ABHD12B: variants seen among roughly 807,000 people sequenced by gnomAD.
ABHD12B encodes protein ABHD12B.
Under a neutral mutation model 50.4 loss-of-function variants are expected in ABHD12B, and 42 were observed. The ratio of observed to expected loss-of-function variants is 0.83; its 90% CI spans 0.65 to 1.08. The LOEUF (loss-of-function observed/expected upper bound fraction) is 1.08. ABHD12B is among the 50% of genes least tolerant of loss of function. The probability of loss-of-function intolerance (pLI) is 0.00; values close to 1 mark genes in which losing one functional copy is unlikely to be tolerated. For missense variants in ABHD12B, 479 were observed against 447.7 expected (o/e 1.07, Z -0.63); for synonymous variants, 167 against 160.3 (o/e 1.04, Z -0.32).
intron 5 of ABHD12B, among the ~76,000 whole-genome samples, chr14:50,882,974 A>AAAAAG (rs2049979725): frequency 3.4e-4 from 1 of 2,938 alleles, no homozygotes; most frequent in African/African-American, 1.5e-3. Context: ...ACCCTGACTC[A>AAAAAG]AAAAAAAAAA....
At chr14:50,895,628 C>A (rs565066085) in intron 9 of ABHD12B, 2 of 151,684 alleles carry the variant, frequency 1.3e-5, no homozygotes, top group Non-Finnish European at 1.5e-5. Context: ...CAGATCTTCT[C>A]GGCTTAGCGG....
chr14:50,888,731 T>G, intron 8 of ABHD12B, 93 bp from the exon 9 acceptor site: 2 of 1,053,558 alleles, frequency 1.9e-6, no homozygotes. Flanking sequence ...TGCACGTAGC[T>G]CATGTACAAG....
intron 9 of ABHD12B, chr14:50,891,700 TAA>T: frequency 1.3e-5 from 2 of 152,338 alleles, no homozygotes; most frequent in Admixed American, 1.3e-4. Context: ...CTTTTACATG[TAA>T]AGTTATAATC....
At position 50,872,215 on chromosome 14, in the gene ABHD12B, C is replaced by T. The variant is rs1228929842; in HGVS notation, c.41C>T (p.Pro14Leu). Residue 14 changes from proline to leucine, a missense_variant, in exon 1 of 13, where the codon CCG (proline) becomes CTG (leucine). Pro to Leu is a moderately conservative substitution (Grantham distance 98, BLOSUM62 -3). Coordinates refer to ENST00000337334, the MANE Select transcript of ABHD12B (RefSeq NM_001206673.2). The stretch of plus-strand genomic sequence containing the variant: ...TGCCAGGCGGCCGCATCGCCCGAGC[C>T]GCCCGGGCCCCCAGCCCGTAGCTGC... Reference protein sequence around the residue: ...QDCQAAASPEPPGPPARSCVA... With the variant: ...QDCQAAASPELPGPPARSCVA... 7.2e-7 allele frequency: 1 copy of T among 1,380,380 alleles called. No individual in the cohort carries two copies. The highest frequency in any genetic ancestry group is 1.6e-5 in the South Asian group (1 of 62,862). 85.5% of individuals were successfully genotyped at this position (1,380,380 alleles called of 1,614,324 possible). A position where few individuals can be genotyped will look rare whatever the true frequency, so the allele number is the denominator to read the frequency against.
At position 50,872,114 on chromosome 14, in the gene ABHD12B, G is replaced by C. The variant is rs1566480452; in HGVS notation, c.-61G>C. 1.7e-6 allele frequency: 2 copies of C among 1,165,836 alleles called. No individual in the cohort carries two copies. Among genetic ancestry groups the C allele is most frequent in the East Asian group, 7.1e-5 (2 of 28,160 alleles). 72.2% of individuals were successfully genotyped at this position (1,165,836 alleles called of 1,614,324 possible). On this transcript the variant is annotated 5_prime_UTR_variant, in exon 1 of 13. Coordinates refer to ENST00000337334, the MANE Select transcript of ABHD12B (RefSeq NM_001206673.2). ...GGTGCCGCCGGGGCGGGAAGGTCGC[G>C]GGCGGCTGCTCCGGACTGCAGCTCC...
rs1442879429 is a variant in ABHD12B at position 50,901,810 on chromosome 14, T to G, written c.781-19T>G. On this transcript the variant is annotated intron_variant, in intron 9 of 12. Coordinates refer to ENST00000337334, the MANE Select transcript of ABHD12B (RefSeq NM_001206673.2). ...AGCTATGGGGCAAATATTAATTTTT[T>G]TTTCTTTTTTAAAAATAGATTTACC... The G allele has an allele frequency of 6.5e-7, 1 of 1,549,082 alleles. No homozygotes were observed. The highest frequency in any genetic ancestry group is 1.9e-5 in the Admixed American group (1 of 51,802).
At position 50,872,294 on chromosome 14, in the gene ABHD12B, T is replaced by C; in HGVS notation, c.104+16T>C. The C allele has an allele frequency of 7.7e-7, 1 of 1,291,712 alleles. No individual in the cohort carries two copies. Among genetic ancestry groups the C allele is most frequent in the Non-Finnish European group, 9.8e-7 (1 of 1,018,116 alleles). 80.0% of individuals were successfully genotyped at this position (1,291,712 alleles called of 1,614,324 possible). ...GCAACCTGCGGTGAGTACCGCCCGGTCCACCCCTGGCCGGGCCCCGACGGC... is the reference window on the plus strand; with the variant it reads ...GCAACCTGCGGTGAGTACCGCCCGGCCCACCCCTGGCCGGGCCCCGACGGC... On this transcript the variant is annotated intron_variant, in intron 1 of 12. Coordinates refer to ENST00000337334, the MANE Select transcript of ABHD12B (RefSeq NM_001206673.2).
chr14:50,886,541 A>AT, intron 7 of ABHD12B, 106 bp from the exon 8 acceptor site: 1 of 1,111,846 alleles, frequency 9.0e-7, no homozygotes, highest in Non-Finnish European at 1.3e-6. Flanking sequence ...GTCTATATGC[A>AT]TTTTTCTAAC....
chr14:50,895,972 C>T (rs1376039525), intron 9 of ABHD12B, among the ~76,000 whole-genome samples: 2 of 152,174 alleles, frequency 1.3e-5, no homozygotes. Context: ...GCTTCCCTGA[C>T]TATTCCTGGA....
chr14:50,884,021 A>G (rs1410434379), intron 5 of ABHD12B, among the ~76,000 whole-genome samples: 3 of 19,088 alleles, frequency 1.6e-4, no homozygotes, highest in Non-Finnish European at 5.2e-4. Context: ...ACATTCTTCC[A>G]TGTTTTCACA....
At chr14:50,898,940 C>T (rs944172671) in intron 9 of ABHD12B, among the ~76,000 whole-genome samples, 2 of 152,194 alleles carry the variant, frequency 1.3e-5, no homozygotes, top group Admixed American at 1.3e-4. Flanking sequence ...CGCCTGTAAT[C>T]CCAGCACTTT....
At chr14:50,881,704 C>T in intron 5 of ABHD12B, 78 bp downstream of exon 5, 14 of 1,578,312 alleles carry the variant, frequency 8.9e-6, no homozygotes, top group South Asian at 1.1e-5. Context: ...AGGCCCTCCG[C>T]GTGGTTGTTT....
intron 3 of ABHD12B, 107 bp downstream of exon 3, chr14:50,878,954 G>T (rs2049900437): frequency 1.3e-6 from 1 of 790,000 alleles, no homozygotes; most frequent in Non-Finnish European, 2.1e-6. Context: ...CGGTGCTCCT[G>T]GAGGTACCTG....
Position 50,881,594 on chromosome 14 carries a change from A to G in ABHD12B, c.456-2A>G, listed in dbSNP as rs200135016. 3.6e-5 allele frequency: 57 copies of G among 1,588,580 alleles called. No homozygotes were observed. In the Admixed American group the frequency reaches 6.5e-4, roughly 18 times the overall value. ...TTTTTTTTTTTTAAACTTCCTTCAC[A>G]GGGCAGCTTCGCACAGACTGAAGCT... On this transcript the variant is annotated splice_acceptor_variant, in intron 4 of 12. Transcript: ENST00000337334. LOFTEE classifies it high-confidence loss of function.
chr14:50,884,644 C>A (rs1451392923), intron 5 of ABHD12B, among the ~76,000 whole-genome samples: 1 of 151,748 alleles, frequency 6.6e-6, no homozygotes, highest in African/African-American at 2.4e-5. Flanking sequence ...AAAGTGCCTG[C>A]ACAGTAAAAT....
At chr14:50,901,802 T>A (rs1228276340) in intron 9 of ABHD12B, 27 bp from the exon 10 acceptor site, 3 of 1,494,750 alleles carry the variant, frequency 2.0e-6, no homozygotes, top group Non-Finnish European at 2.7e-6. Flanking sequence ...GGGCAAATAT[T>A]AATTTTTTTT....
Position 50,904,588 on chromosome 14 carries a change from C to T in ABHD12B, c.*222C>T. Reference sequence around the variant, plus strand: ...TCTACTTTGTAAAACATGCTGAAACCTCACTGTGGAGAACCAGAATTTGGT... The same window carrying T: ...TCTACTTTGTAAAACATGCTGAAACTTCACTGTGGAGAACCAGAATTTGGT... On this transcript the variant is annotated 3_prime_UTR_variant, in exon 13 of 13. Coordinates refer to ENST00000337334, the MANE Select transcript of ABHD12B (RefSeq NM_001206673.2). 1.6e-6 allele frequency: 1 copy of T among 610,498 alleles called. No homozygotes were observed. The allele number at this position is 610,498 out of a possible 1,614,324, so 37.8% of individuals were successfully genotyped here.
rs948274690 is a variant in ABHD12B at position 50,886,693 on chromosome 14, A to G, written c.700+9A>G. Reference sequence around the variant, plus strand: ...AGTGCTAGAAGAAAAAGGTAATATAAAATGCTTAAGTGGTATAATTTCCCA... The same window carrying G: ...AGTGCTAGAAGAAAAAGGTAATATAGAATGCTTAAGTGGTATAATTTCCCA... On this transcript the variant is annotated intron_variant, in intron 8 of 12. Coordinates refer to ENST00000337334, the MANE Select transcript of ABHD12B (RefSeq NM_001206673.2). The G allele has an allele frequency of 6.2e-7, 1 of 1,605,616 alleles. No homozygotes were observed. Among genetic ancestry groups the G allele is most frequent in the African/African-American group, 1.3e-5 (1 of 74,934 alleles).
intron 1 of ABHD12B, among the ~76,000 whole-genome samples, chr14:50,876,076 G>A (rs2049859993): frequency 6.6e-6 from 1 of 152,124 alleles, no homozygotes; most frequent in Admixed American, 6.6e-5. Flanking sequence ...GCTCAAAGTG[G>A]CTTCTCTGGG....
Sources: allele counts gnomAD v4.1 joint callset (sites outside exome capture counted in the v4.1 genomes callset), GRCh38; gene constraint gnomAD v4.1.1; transcripts MANE v1.5; gene names NCBI Gene and HGNC (gene_info 2026-07-23, HGNC 2026-07-21).